Variants in NSMCE3 observed in about 807,000 individuals in gnomAD.
NSMCE3 encodes the protein non-structural maintenance of chromosomes element 3 homolog.
For missense variants in NSMCE3, 452 were observed against 399.5 expected (o/e 1.13, Z -1.12); for synonymous variants, 214 against 172.2 (o/e 1.24, Z -1.90).
At position 29,266,035 on chromosome 15, in the gene NSMCE3, A is replaced by C. The variant is rs910644073; in HGVS notation, c.*2756T>G. 6.6e-6 allele frequency: 1 copy of C among 152,202 alleles called. No homozygotes were observed. The highest frequency in any genetic ancestry group is 1.5e-5 in the Non-Finnish European group (1 of 68,022). The allele number at this position is 152,202 out of a possible 1,614,324, so 9.4% of individuals were successfully genotyped here. The stretch of plus-strand genomic sequence containing the variant: ...GTCAAATGATCTGTATGACCAAAAG[A>C]AGTGAAAATGTGGGAGAAGGTATTT... On this transcript the variant is annotated 3_prime_UTR_variant, in exon 1 of 1. Transcript: ENST00000332303.
rs2043557471 is a variant in NSMCE3 at position 29,269,403 on chromosome 15, C to G, written c.303G>C (p.Gln101His). 1 of 1,614,070 alleles carries G rather than the reference C, an allele frequency of 6.2e-7. No individual in the cohort carries two copies. The highest frequency in any genetic ancestry group is 1.7e-5 in the Admixed American group (1 of 60,014). Reference protein sequence around the residue: ...ELVQFLLIKDQKKIPIKRADI... With the variant: ...ELVQFLLIKDHKKIPIKRADI... ...CGGCCCGCTTGATCGGAATCTTCTT[C>G]TGGTCTTTAATCAGCAAGAACTGCA... is the stretch of plus-strand genomic sequence containing the variant. Residue 101 changes from glutamine to histidine, a missense_variant, in exon 1 of 1, where the codon CAG becomes CAC. Gln to His is a conservative substitution (Grantham distance 24). Transcript: ENST00000332303.
At position 29,269,768 on chromosome 15, in the gene NSMCE3, G is replaced by A. The variant is rs962535826; in HGVS notation, c.-63C>T. 5.2e-5 allele frequency: 72 copies of A among 1,387,242 alleles called. No individual in the cohort carries two copies. The highest frequency in any genetic ancestry group is 6.5e-5 in the Non-Finnish European group (70 of 1,070,168). 85.9% of individuals were successfully genotyped at this position (1,387,242 alleles called of 1,614,324 possible). ...CAAGCAGCCGCGGCGGGGATTGCGG[G>A]TCGGCGACCCGCTAACGCCGGTGCC... On this transcript the variant is annotated 5_prime_UTR_variant, in exon 1 of 1. Coordinates refer to ENST00000332303, the MANE Select transcript of NSMCE3 (RefSeq NM_138704.4).
chr15:29,269,488 G>GCCTGGGCCCGGCGGGCGC lies in NSMCE3; in HGVS notation c.200_217dup (p.Gly67_Gln72dup). 4 of 1,609,328 alleles carry GCCTGGGCCCGGCGGGCGC rather than the reference G, an allele frequency of 2.5e-6. No individual in the cohort carries two copies. The highest frequency in any genetic ancestry group is 3.4e-6 in the Non-Finnish European group (4 of 1,178,430). Reference sequence around the variant, plus strand: ...GCTCCTGGGCCCCACGGCGGGGGCGGCCTGGGCCCGGCGGGCGCCCTGAGG... The same window carrying GCCTGGGCCCGGCGGGCGC: ...GCTCCTGGGCCCCACGGCGGGGGCGGCCTGGGCCCGGCGGGCGCCCTGGGCCCGGCGGGCGCCCTGAGG... On this transcript the variant is annotated inframe_insertion, in exon 1 of 1. Coordinates refer to ENST00000332303, the MANE Select transcript of NSMCE3 (RefSeq NM_138704.4).
Position 29,269,194 on chromosome 15 carries a change from T to C in NSMCE3, c.512A>G (p.Gln171Arg). ...VEEDAEMRGD[Q>R]GTPTTGLLMI... ...CAGGAGGCCCGTAGTGGGCGTGCCTTGGTCACCCCTCATCTCGGCATCCTC... is the reference window on the plus strand; with the variant it reads ...CAGGAGGCCCGTAGTGGGCGTGCCTCGGTCACCCCTCATCTCGGCATCCTC... The change falls in exon 1 of 1, where the codon CAA becomes CGA. Residue 171 changes from glutamine to arginine, a missense_variant. Gln to Arg is a conservative substitution (Grantham distance 43, BLOSUM62 1). Coordinates refer to ENST00000332303, the MANE Select transcript of NSMCE3 (RefSeq NM_138704.4). The C allele has an allele frequency of 6.2e-7, 1 of 1,614,128 alleles. No individual in the cohort carries two copies. Among genetic ancestry groups the C allele is most frequent in the Non-Finnish European group, 8.5e-7 (1 of 1,180,022 alleles).
rs2043527096 is a variant in NSMCE3 at position 29,268,382 on chromosome 15, T to G, written c.*409A>C. ...AATAAGGATATAGGCAATTATTTTT[T>G]TTAATTTTATAAAAACTTTTATTTT... On this transcript the variant is annotated 3_prime_UTR_variant, in exon 1 of 1. Coordinates refer to ENST00000332303, the MANE Select transcript of NSMCE3 (RefSeq NM_138704.4). The G allele has an allele frequency of 6.0e-6, 1 of 167,792 alleles. No individual in the cohort carries two copies. Among genetic ancestry groups the G allele is most frequent in the African/African-American group, 2.4e-5 (1 of 42,116 alleles). The allele number at this position is 167,792 out of a possible 1,614,324, so 10.4% of individuals were successfully genotyped here.
Position 29,265,903 on chromosome 15 carries a change from G to A in NSMCE3, c.*2888C>T, listed in dbSNP as rs2043468349. ...GAAGATCAAAACTTTGAACACTTAG[G>A]GAAAAAAGGCAGAAAACATATTTAC... On this transcript the variant is annotated 3_prime_UTR_variant, in exon 1 of 1. Coordinates refer to ENST00000332303, the MANE Select transcript of NSMCE3 (RefSeq NM_138704.4). The A allele has an allele frequency of 6.6e-6, 1 of 152,044 alleles. No homozygotes were observed. The highest frequency in any genetic ancestry group is 2.1e-4 in the South Asian group (1 of 4,834). The allele number at this position is 152,044 out of a possible 1,614,324, so 9.4% of individuals were successfully genotyped here.
In NSMCE3 at chr15:29,269,700, C is replaced by A; in HGVS notation, c.6G>T (p.Leu2Phe). M[L>F]QKPRNRGRSG... ...AGCGGCCCCGGTTCCTCGGTTTTTG[C>A]AACATGTCTCCGGCGGCAGGTGCCG... The change falls in exon 1 of 1, where the codon TTG (leucine) becomes TTT (phenylalanine). Residue 2 changes from leucine (L) to phenylalanine (F), a missense_variant. By Grantham distance (22) the Leu-to-Phe change is conservative. Coordinates refer to ENST00000332303, the MANE Select transcript of NSMCE3 (RefSeq NM_138704.4). 6.5e-7 allele frequency: 1 copy of A among 1,537,426 alleles called. No individual in the cohort carries two copies. The highest frequency in any genetic ancestry group is 1.8e-4 in the Middle Eastern group (1 of 5,636).
Position 29,265,695 on chromosome 15 carries a change from A to G in NSMCE3, c.*3096T>C, listed in dbSNP as rs2043464650. The G allele has an allele frequency of 6.6e-6, 1 of 152,248 alleles. No homozygotes were observed. The highest frequency in any genetic ancestry group is 2.4e-5 in the African/African-American group (1 of 41,466). 9.4% of individuals were successfully genotyped at this position (152,248 alleles called of 1,614,324 possible). On this transcript the variant is annotated 3_prime_UTR_variant, in exon 1 of 1. Transcript: ENST00000332303. The stretch of plus-strand genomic sequence containing the variant: ...TTGCAAATGGATAGCAAATAAACCA[A>G]TTCAGTCCTAGCCATAAATTTATCT...
chr15:29,269,190 G>C lies in NSMCE3; in HGVS notation c.516C>G (p.Gly172=), dbSNP rs1567116852. ...EEDAEMRGDQ[G]TPTTGLLMIV... ...TCATCAGGAGGCCCGTAGTGGGCGTGCCTTGGTCACCCCTCATCTCGGCAT... is the reference window on the plus strand; with the variant it reads ...TCATCAGGAGGCCCGTAGTGGGCGTCCCTTGGTCACCCCTCATCTCGGCAT... The change falls in exon 1 of 1, where the codon GGC becomes GGG. Residue 172 remains glycine (G), a synonymous_variant. Coordinates refer to ENST00000332303, the MANE Select transcript of NSMCE3 (RefSeq NM_138704.4). 6.2e-7 allele frequency: 1 copy of C among 1,614,174 alleles called. No individual in the cohort carries two copies. Among genetic ancestry groups the C allele is most frequent in the Non-Finnish European group, 8.5e-7 (1 of 1,180,038 alleles).
Position 29,267,130 on chromosome 15 carries a change from GAAAT to G in NSMCE3, c.*1657_*1660del, listed in dbSNP as rs1163687521. The G allele has an allele frequency of 1.3e-5, 2 of 152,188 alleles. No individual in the cohort carries two copies. The highest frequency in any genetic ancestry group is 6.5e-5 in the Admixed American group (1 of 15,272). 9.4% of individuals were successfully genotyped at this position (152,188 alleles called of 1,614,324 possible). On this transcript the variant is annotated 3_prime_UTR_variant, in exon 1 of 1. Coordinates refer to ENST00000332303, the MANE Select transcript of NSMCE3 (RefSeq NM_138704.4). ...AATGCAAATCCCAATTCAACAGAAT[GAAAT>G]AAAACCCAGTAACCTATCACATTCC...
rs2043465533 is a variant in NSMCE3 at position 29,265,738 on chromosome 15, A to G, written c.*3053T>C. 1 of 152,254 alleles carries G rather than the reference A, an allele frequency of 6.6e-6. No homozygotes were observed. 9.4% of individuals were successfully genotyped at this position (152,254 alleles called of 1,614,324 possible). On this transcript the variant is annotated 3_prime_UTR_variant, in exon 1 of 1. Transcript: ENST00000332303. ...ATTTATCTATACATGGGACATTGCTACAAAATACTGAGTGTCATAAATCAG... is the reference window on the plus strand; with the variant it reads ...ATTTATCTATACATGGGACATTGCTGCAAAATACTGAGTGTCATAAATCAG...
Position 29,268,856 on chromosome 15 carries a change from C to G in NSMCE3, c.850G>C (p.Glu284Gln). 2 of 1,614,176 alleles carry G rather than the reference C, an allele frequency of 1.2e-6. No homozygotes were observed. The highest frequency in any genetic ancestry group is 1.7e-6 in the Non-Finnish European group (2 of 1,180,026). The change falls in exon 1 of 1, where the codon GAG becomes CAG. Residue 284 changes from glutamate to glutamine, a missense_variant. Glu to Gln is a conservative substitution (Grantham distance 29). Transcript: ENST00000332303. ...CTGTTCTCCTCATCTGCCAAAGCCTCACAGTACTGCGCTGGCCAGTCCTTG... is the reference window on the plus strand; with the variant it reads ...CTGTTCTCCTCATCTGCCAAAGCCTGACAGTACTGCGCTGGCCAGTCCTTG... ...DPKDWPAQYC[E>Q]ALADEENRAR...
At position 29,268,326 on chromosome 15, in the gene NSMCE3, C is replaced by G. The variant is rs150071096; in HGVS notation, c.*465G>C. 2,938 of 153,486 alleles carry G rather than the reference C, an allele frequency of 0.019. 105 individuals are homozygous for G. The highest frequency in any genetic ancestry group is 0.068 in the African/African-American group (2,811 of 41,404). 9.5% of individuals were successfully genotyped at this position (153,486 alleles called of 1,614,324 possible). On this transcript the variant is annotated 3_prime_UTR_variant, in exon 1 of 1. Coordinates refer to ENST00000332303, the MANE Select transcript of NSMCE3 (RefSeq NM_138704.4). ...ACCATGAATAATACTTATATATGTA[C>G]GAAATATAGAAAAATAAAATAGGTT...
In NSMCE3 at chr15:29,269,795, G is replaced by A. The variant is rs775442808; in HGVS notation, c.-90C>T. On this transcript the variant is annotated 5_prime_UTR_variant, in exon 1 of 1. Coordinates refer to ENST00000332303, the MANE Select transcript of NSMCE3 (RefSeq NM_138704.4). ...CGGCGACCCGCTAACGCCGGTGCCT[G>A]GAGGCGCGCGCAGTGTCGGCTGAGA... is the stretch of plus-strand genomic sequence containing the variant. The A allele has an allele frequency of 1.5e-4, 188 of 1,243,512 alleles. No homozygotes were observed. The highest frequency in any genetic ancestry group is 9.6e-4 in the African/African-American group (60 of 62,358). 77.0% of individuals were successfully genotyped at this position (1,243,512 alleles called of 1,614,324 possible).
In NSMCE3 at chr15:29,267,610, T is replaced by C. The variant is rs2043508311; in HGVS notation, c.*1181A>G. The C allele has an allele frequency of 6.6e-6, 1 of 152,118 alleles. No individual in the cohort carries two copies. The highest frequency in any genetic ancestry group is 1.9e-4 in the East Asian group (1 of 5,194). 9.4% of individuals were successfully genotyped at this position (152,118 alleles called of 1,614,324 possible). ...TCTTATGTCCTGCTCTTATGTTCTATGTGGGGCACACTCACCATACACGTT... is the reference window on the plus strand; with the variant it reads ...TCTTATGTCCTGCTCTTATGTTCTACGTGGGGCACACTCACCATACACGTT... On this transcript the variant is annotated 3_prime_UTR_variant, in exon 1 of 1. Transcript: ENST00000332303.
At position 29,268,740 on chromosome 15, in the gene NSMCE3, G is replaced by C; in HGVS notation, c.*51C>G. The stretch of plus-strand genomic sequence containing the variant: ...CTCCCTTCCCCCAATCCTCTAAACT[G>C]TGCCTTTGGGTCTCAGACCCTTGTC... On this transcript the variant is annotated 3_prime_UTR_variant, in exon 1 of 1. Transcript: ENST00000332303. 6.5e-7 allele frequency: 1 copy of C among 1,538,224 alleles called. No homozygotes were observed. The highest frequency in any genetic ancestry group is 8.8e-7 in the Non-Finnish European group (1 of 1,142,658).
rs540499681 is a variant in NSMCE3, at chr15:29,268,069, A to C, written c.*722T>G. On this transcript the variant is annotated 3_prime_UTR_variant, in exon 1 of 1. Coordinates refer to ENST00000332303, the MANE Select transcript of NSMCE3 (RefSeq NM_138704.4). ...CTTCTACAAAACAGCATTGACCTTAATATGTAGCAAAAACTTTAAGATGTT... is the reference window on the plus strand; with the variant it reads ...CTTCTACAAAACAGCATTGACCTTACTATGTAGCAAAAACTTTAAGATGTT... 4.6e-5 allele frequency: 7 copies of C among 152,350 alleles called. No homozygotes were observed. The highest frequency in any genetic ancestry group is 1.7e-4 in the African/African-American group (7 of 41,586). 9.4% of individuals were successfully genotyped at this position (152,350 alleles called of 1,614,324 possible). A position where few individuals can be genotyped will look rare whatever the true frequency, so the allele number is the denominator to read the frequency against.
Position 29,269,717 on chromosome 15 carries a change from C to T in NSMCE3, c.-12G>A. 2 of 1,509,046 alleles carry T rather than the reference C, an allele frequency of 1.3e-6. No individual in the cohort carries two copies. The highest frequency in any genetic ancestry group is 2.6e-5 in the South Asian group (2 of 76,952). The allele number at this position is 1,509,046 out of a possible 1,614,324, so 93.5% of individuals were successfully genotyped here. A position where few individuals can be genotyped will look rare whatever the true frequency, so the allele number is the denominator to read the frequency against. ...GGTTTTTGCAACATGTCTCCGGCGG[C>T]AGGTGCCGGCGCACACTCCGGTAGG... On this transcript the variant is annotated 5_prime_UTR_variant, in exon 1 of 1. Transcript: ENST00000332303.
In NSMCE3 at chr15:29,265,217, G is replaced by C. The variant is rs1441242518; in HGVS notation, c.*3574C>G. 6.6e-6 allele frequency: 1 copy of C among 151,992 alleles called. No homozygotes were observed. 9.4% of individuals were successfully genotyped at this position (151,992 alleles called of 1,614,324 possible). ...TATTTCCTTTAAAATCAAGAATAAG[G>C]AATCAGAAACATCCTTAGAGCCTGC... is the stretch of plus-strand genomic sequence containing the variant. On this transcript the variant is annotated 3_prime_UTR_variant, in exon 1 of 1. Transcript: ENST00000332303.
Sources: gnomAD v4.1 joint callset for allele counts on GRCh38, gnomAD v4.1.1 for gene constraint, MANE v1.5 for transcripts, NCBI Gene and HGNC (gene_info 2026-07-23, HGNC 2026-07-21) for gene names.